The following KCNK2 variants were observed in gnomAD, a reference collection of about 807,000 sequenced individuals.
KCNK2 encodes the protein potassium two pore domain channel subfamily K member 2, also known as potassium channel subfamily K member 2.
KCNK2 carries 21 observed loss-of-function variants against 40.5 expected under a neutral mutation model. The observed-to-expected ratio is 0.52, with a 90% CI of 0.37 to 0.75. The LOEUF is 0.75. KCNK2 is among the 30% of genes least tolerant of loss of function. The pLI, the probability that KCNK2 is intolerant of heterozygous loss-of-function variation, is 0.00. For missense variants in KCNK2, 399 were observed against 531.6 expected, an observed-to-expected ratio of 0.75 and a Z score of 2.45; for synonymous variants, 191 against 202.2, an observed-to-expected ratio of 0.94 and a Z score of 0.47.
chr1:215,148,920 G>A (rs112249547), intron 3 of KCNK2, among the ~76,000 whole-genome samples: 2 of 152,132 alleles, frequency 1.3e-5, no homozygotes, highest in South Asian at 2.1e-4. Context: ...TGAAGGAATC[G>A]GGAAAGTTCA....
chr1:215,125,234 A>G (rs887326890), intron 3 of KCNK2, among the ~76,000 whole-genome samples: 1 of 152,060 alleles, frequency 6.6e-6, no homozygotes, highest in South Asian at 2.1e-4. Flanking sequence ...TTTTATATAC[A>G]TTATATTTTG....
rs1310617219 is a variant in KCNK2 at position 215,010,868 on chromosome 1, TTG to T, written c.34+4941_34+4942del. ...GGACACAGATTTTTTTTTTTTTTTTTTGTGTGTGTGTGTGTGTGTGTGTGTGT... is the reference window on the plus strand; with the variant it reads ...GGACACAGATTTTTTTTTTTTTTTTTTGTGTGTGTGTGTGTGTGTGTGTGT... On this transcript the variant is annotated intron_variant, in intron 1 of 6. Transcript: ENST00000391895. Among the ~76,000 whole-genome samples the T allele has an allele frequency of 4.9e-3, 664 of 135,584 alleles. 10 individuals are homozygous for T. The highest frequency in any genetic ancestry group is 6.6e-3 in the East Asian group (30 of 4,546). 88.9% of individuals were successfully genotyped at this position (135,584 alleles called of 152,430 possible). A position where few individuals can be genotyped will look rare whatever the true frequency, so the allele number is the denominator to read the frequency against.
chr1:215,128,649 G>A (rs1366012714), intron 3 of KCNK2, among the ~76,000 whole-genome samples: 1 of 152,180 alleles, frequency 6.6e-6, no homozygotes, highest in Non-Finnish European at 1.5e-5. Context: ...ACTGTGACTT[G>A]AAGAAAATGT....
At chr1:215,170,797 T>G (rs1663678205) in intron 4 of KCNK2, among the ~76,000 whole-genome samples, 1 of 152,190 alleles carries the variant, frequency 6.6e-6, no homozygotes, top group Admixed American at 6.5e-5. Flanking sequence ...ATGGTAATGT[T>G]GAATTCTTCG....
chr1:215,094,032 G>A (rs1659872174), intron 2 of KCNK2, among the ~76,000 whole-genome samples: 1 of 144,852 alleles, frequency 6.9e-6, no homozygotes, highest in South Asian at 2.1e-4. Flanking sequence ...GGCCAAAACT[G>A]CAATTACTTT....
chr1:215,235,159 T>C lies in KCNK2; in HGVS notation c.*14T>C, dbSNP rs748707608. 2.5e-6 allele frequency: 4 copies of C among 1,586,180 alleles called. No homozygotes were observed. In the Admixed American group the frequency reaches 6.7e-5, roughly 27 times the overall value. On this transcript the variant is annotated 3_prime_UTR_variant, in exon 7 of 7. Transcript: ENST00000444842. Reference sequence around the variant, plus strand: ...AACATCAAATAGCCCTCTCTTTAAATAACCTTAGGCATAGCCATAGGTGAG... The same window carrying C: ...AACATCAAATAGCCCTCTCTTTAAACAACCTTAGGCATAGCCATAGGTGAG...
At chr1:215,026,746 G>T (rs2102482337) in intron 1 of KCNK2, among the ~76,000 whole-genome samples, 1 of 151,910 alleles carries the variant, frequency 6.6e-6, no homozygotes, top group Non-Finnish European at 1.5e-5. Flanking sequence ...TGAACTTTAA[G>T]TTTTTATGCA....
chr1:215,083,631 C>T, intron 1 of KCNK2, 200 bp downstream of exon 1: 2 of 607,398 alleles, frequency 3.3e-6, no homozygotes, highest in Non-Finnish European at 2.9e-6. Context: ...CCCCCCTCTC[C>T]CGCCGGTGCC....
chr1:215,059,211 G>T (rs1168775037), intron 1 of KCNK2, among the ~76,000 whole-genome samples: 1 of 151,902 alleles, frequency 6.6e-6, no homozygotes, highest in African/African-American at 2.4e-5. Context: ...TTAGCTCCAG[G>T]AGAGCAGAGG....
intron 3 of KCNK2, among the ~76,000 whole-genome samples, chr1:215,140,974 CT>C (rs909175955): frequency 2.2e-4 from 33 of 152,040 alleles, no homozygotes; most frequent in Non-Finnish European, 2.8e-4. Context: ...ATTTTATATG[CT>C]TTTTTTCTAT....
At chr1:215,054,955 A>AT (rs1449366252) in intron 1 of KCNK2, among the ~76,000 whole-genome samples, 3 of 152,180 alleles carry the variant, frequency 2.0e-5, no homozygotes, top group Admixed American at 2.0e-4. Flanking sequence ...TGAGCACACA[A>AT]CTCAAGTGTT....
At chr1:215,030,411 T>C (rs761694244) in intron 1 of KCNK2, among the ~76,000 whole-genome samples, 5 of 152,192 alleles carry the variant, frequency 3.3e-5, no homozygotes, top group East Asian at 1.9e-4. Context: ...TTAATAAACT[T>C]TATTGTTTAT....
intron 1 of KCNK2, among the ~76,000 whole-genome samples, chr1:215,042,471 G>T (rs191687406): frequency 6.6e-6 from 1 of 152,164 alleles, no homozygotes; most frequent in South Asian, 2.1e-4. Flanking sequence ...CTGATGATTT[G>T]TGGAAACAAA....
intron 3 of KCNK2, among the ~76,000 whole-genome samples, chr1:215,151,222 C>A (rs1396839602): frequency 6.6e-6 from 1 of 152,056 alleles, no homozygotes; most frequent in Admixed American, 6.6e-5. Context: ...TTGCTTCATG[C>A]TGTTTTGTTG....
chr1:215,059,706 A>C (rs1368707950), intron 1 of KCNK2, among the ~76,000 whole-genome samples: 1 of 152,184 alleles, frequency 6.6e-6, no homozygotes, highest in Non-Finnish European at 1.5e-5. Flanking sequence ...ATTTGTGGGC[A>C]AAAAGAAGAG....
chr1:215,009,041 T>C (rs1259327419), intron 1 of KCNK2, among the ~76,000 whole-genome samples: 2 of 152,150 alleles, frequency 1.3e-5, no homozygotes, highest in Non-Finnish European at 2.9e-5. Flanking sequence ...CCATGTCTAA[T>C]CATCTTAGAA....
intron 1 of KCNK2, among the ~76,000 whole-genome samples, chr1:215,025,025 T>C (rs746212379): frequency 6.6e-6 from 1 of 150,496 alleles, no homozygotes; most frequent in Non-Finnish European, 1.5e-5. Flanking sequence ...AGCCTTATAA[T>C]ATGTCTTGGA....
chr1:215,121,937 T>C (rs1661205165), intron 2 of KCNK2, among the ~76,000 whole-genome samples: 1 of 152,210 alleles, frequency 6.6e-6, no homozygotes, highest in African/African-American at 2.4e-5. Context: ...TGAACAGTTA[T>C]AACTGGCACA....
At chr1:215,226,995 C>A (rs1320288900) in intron 6 of KCNK2, among the ~76,000 whole-genome samples, 2 of 152,100 alleles carry the variant, frequency 1.3e-5, no homozygotes, top group Non-Finnish European at 2.9e-5. Flanking sequence ...CAAGATTATC[C>A]CATCAGAGTC....
Sources: gnomAD v4.1 joint callset for allele counts (sites outside exome capture counted in the v4.1 genomes callset) on GRCh38, gnomAD v4.1.1 for gene constraint, MANE v1.5 for transcripts, NCBI Gene and HGNC (gene_info 2026-07-23, HGNC 2026-07-21) for gene names.